DHX32: variants seen among roughly 807,000 people sequenced by gnomAD.
The protein encoded by DHX32 is putative pre-mRNA-splicing factor ATP-dependent RNA helicase DHX32.
In DHX32, 51 loss-of-function variants were observed where a neutral mutation model predicts 70.0. The ratio of observed to expected loss-of-function variants is 0.73; its 90% CI spans 0.58 to 0.92. DHX32 has a LOEUF of 0.92. Among genes scored for constraint, DHX32 ranks in the 40% least tolerant of loss-of-function variants. The pLI is 0.00. For missense variants in DHX32, 762 were observed against 891.8 expected (o/e 0.85, Z 1.85); for synonymous variants, 310 against 315.3 (o/e 0.98, Z 0.18).
chr10:125,893,369 G>A (rs996001381), intron 1 of DHX32, among the ~76,000 whole-genome samples: 65 of 152,150 alleles, frequency 4.3e-4, no homozygotes, highest in African/African-American at 1.3e-3. Flanking sequence ...TCAGCCTCCC[G>A]AGTAGCTGGG....
chr10:125,873,697 C>A (rs1362811263), intron 1 of DHX32, among the ~76,000 whole-genome samples: 1 of 152,194 alleles, frequency 6.6e-6, no homozygotes, highest in Non-Finnish European at 1.5e-5. Flanking sequence ...GAGTATGCCC[C>A]TAAGGCAGCT....
intron 1 of DHX32, among the ~76,000 whole-genome samples, chr10:125,870,313 C>A (rs747500677): frequency 6.6e-6 from 1 of 152,110 alleles, no homozygotes; most frequent in Non-Finnish European, 1.5e-5. Flanking sequence ...TGAAAGAAAT[C>A]TCTGGAAGAC....
rs34050865 is a variant in DHX32, at chr10:125,854,184, T to G, written c.869A>C (p.Glu290Ala). 131 of 1,605,780 alleles carry G rather than the reference T, an allele frequency of 8.2e-5. No homozygotes were observed. The highest frequency in any genetic ancestry group is 3.6e-4 in the East Asian group (16 of 44,770). ...ACEQDIEKVC[E>A]TVYQGSNLNP... ...TAGGTTAGATCCTTGATAGACAGTT[T>G]CACAGACTTTCTCAATATCCTAAAG... Residue 290 changes from glutamate to alanine, a missense_variant, in exon 4 of 11, where the codon GAA becomes GCA. Transcript: ENST00000284690.
chr10:125,841,214 G>A, intron 7 of DHX32: 1 of 1,586,380 alleles, frequency 6.3e-7, no homozygotes. Flanking sequence ...CTTTTCTAAG[G>A]TCAACTGAAT....
At chr10:125,853,852 C>G in intron 4 of DHX32, 109 bp downstream of exon 4, 1 of 1,370,690 alleles carries the variant, frequency 7.3e-7, no homozygotes, top group Non-Finnish European at 9.8e-7. Flanking sequence ...AACGAATCCC[C>G]AGGTCACATA....
rs1322976759 is a variant in DHX32, at chr10:125,859,978, A to G, written c.477-3T>C. 3 of 1,518,560 alleles carry G rather than the reference A, an allele frequency of 2.0e-6. No individual in the cohort carries two copies. The Admixed American group carries it at 7.0e-5, about 36-fold the overall frequency. The allele number at this position is 1,518,560 out of a possible 1,614,324, so 94.1% of individuals were successfully genotyped here. A position where few individuals can be genotyped will look rare whatever the true frequency, so the allele number is the denominator to read the frequency against. ...GCAGCATATCATCAGTACAATACCT[A>G]TAAAGAAGAAACATTAAAGTTAGAA... On this transcript the variant is annotated splice_region_variant and splice_polypyrimidine_tract_variant and intron_variant, in intron 2 of 10. Coordinates refer to ENST00000284690, the MANE Select transcript of DHX32 (RefSeq NM_018180.3).
intron 3 of DHX32, 136 bp downstream of exon 3, chr10:125,859,467 A>G: frequency 1.0e-6 from 1 of 953,356 alleles, no homozygotes; most frequent in African/African-American, 1.7e-5. Context: ...CTTTCAGCAC[A>G]GGTTTTATTT....
intron 2 of DHX32, among the ~76,000 whole-genome samples, chr10:125,862,242 C>T (rs1944194513): frequency 6.6e-6 from 1 of 152,188 alleles, no homozygotes. Context: ...TGTTCTTCCT[C>T]TCTGGATCTT....
chr10:125,840,820 A>C, intron 8 of DHX32, 27 bp downstream of exon 8: 3 of 1,545,936 alleles, frequency 1.9e-6, no homozygotes, highest in Non-Finnish European at 2.6e-6. Flanking sequence ...GGTGGAATTA[A>C]TAGGTAGTTT....
At chr10:125,882,632 CAAGTA>C (rs1564832866), upstream of DHX32, among the ~76,000 whole-genome samples, 1 of 152,050 alleles carries the variant, frequency 6.6e-6, no homozygotes, top group East Asian at 1.9e-4. Flanking sequence ...TAGCTCTTCC[CAAGTA>C]AAGTTCTTAA....
chr10:125,894,365 G>A (rs1045398568), intron 1 of DHX32, among the ~76,000 whole-genome samples: 4 of 152,184 alleles, frequency 2.6e-5, no homozygotes, highest in African/African-American at 9.7e-5. Context: ...CAAGGTGATA[G>A]AGGAAGAGAA....
intron 1 of DHX32, among the ~76,000 whole-genome samples, chr10:125,873,213 CT>C (rs1444998613): frequency 6.6e-6 from 1 of 152,224 alleles, no homozygotes; most frequent in African/African-American, 2.4e-5. Context: ...TGGTGTAGAA[CT>C]TTCTGTCCTT....
At chr10:125,867,891 T>A (rs1488083468) in intron 1 of DHX32, among the ~76,000 whole-genome samples, 2 of 152,202 alleles carry the variant, frequency 1.3e-5, no homozygotes, top group African/African-American at 4.8e-5. Flanking sequence ...TATTGTGTTT[T>A]AAGCAATGTA....
Position 125,866,773 on chromosome 10 carries a change from G to A in DHX32, c.476+217C>T, listed in dbSNP as rs1448652113. Among the ~76,000 whole-genome samples, 2 of 152,362 alleles carry A rather than the reference G, an allele frequency of 1.3e-5. No individual in the cohort carries two copies. Among genetic ancestry groups the A allele is most frequent in the East Asian group, 3.9e-4 (2 of 5,188 alleles). On this transcript the variant is annotated intron_variant, in intron 2 of 10. Coordinates refer to ENST00000284690, the MANE Select transcript of DHX32 (RefSeq NM_018180.3). The surrounding 1 kb of genome is among the most constrained non-coding windows in gnomAD (Gnocchi z 4.8). Reference sequence around the variant, plus strand: ...CCAAGCAAGTTGTTAACTTTTTCCAGGGGATAATGGGAGTCATGGGATACA... The same window carrying A: ...CCAAGCAAGTTGTTAACTTTTTCCAAGGGATAATGGGAGTCATGGGATACA...
chr10:125,868,533 C>G (rs1944236858), intron 1 of DHX32, among the ~76,000 whole-genome samples: 1 of 152,262 alleles, frequency 6.6e-6, no homozygotes, highest in East Asian at 1.9e-4. Flanking sequence ...GACTGAAAGG[C>G]AAATGCACTT....
chr10:125,855,732 A>G (rs1944142215), intron 3 of DHX32, among the ~76,000 whole-genome samples: 1 of 152,140 alleles, frequency 6.6e-6, no homozygotes, highest in Non-Finnish European at 1.5e-5. Flanking sequence ...TTACAGGCGT[A>G]AGCCACCGCA....
Position 125,839,001 on chromosome 10 carries a change from C to A in DHX32, c.1881G>T (p.Gln627His). The A allele has an allele frequency of 6.2e-7, 1 of 1,613,380 alleles. No homozygotes were observed. The highest frequency in any genetic ancestry group is 8.5e-7 in the Non-Finnish European group (1 of 1,179,570). The part of the protein sequence containing the change: ...KKALLSGYFM[Q>H]IARDVDGSGN... ...CTGAGGTGACCCCACCCCTTCTCACCTGCATAAAGTAACCGGACAGAAGAG... is the reference window on the plus strand; with the variant it reads ...CTGAGGTGACCCCACCCCTTCTCACATGCATAAAGTAACCGGACAGAAGAG... Residue 627 changes from glutamine (Q) to histidine (H), a missense_variant and splice_region_variant, in exon 9 of 11, where the codon CAG becomes CAT. Physicochemically the swap from Gln to His is conservative, Grantham distance 24. This residue lies in a region of DHX32 where 366 missense variants were observed against 402.6 expected (regional missense o/e 0.91). Coordinates refer to ENST00000284690, the MANE Select transcript of DHX32 (RefSeq NM_018180.3).
In DHX32 at chr10:125,852,348, A is replaced by G; in HGVS notation, c.1296T>C (p.Phe432=). The G allele has an allele frequency of 6.2e-7, 1 of 1,614,216 alleles. No homozygotes were observed. The highest frequency in any genetic ancestry group is 1.1e-5 in the South Asian group (1 of 91,088). Residue 432 remains phenylalanine, a synonymous_variant, in exon 6 of 11, where the codon TTT becomes TTC. Transcript: ENST00000284690. ...QEANLTSMVL[F]MKRIDIAGLG... is the part of the protein sequence containing the mutation. ...GGCCCGCAATGTCTATCCTCTTCATAAAAAGCACCATGCTTGTTAGGTTGG... is the reference window on the plus strand; with the variant it reads ...GGCCCGCAATGTCTATCCTCTTCATGAAAAGCACCATGCTTGTTAGGTTGG...
intron 1 of DHX32, among the ~76,000 whole-genome samples, chr10:125,868,858 C>T (rs75813735): frequency 0.025 from 3,836 of 152,204 alleles, 162 homozygotes; most frequent in African/African-American, 0.086. Context: ...CTGTGATCCC[C>T]TAGGTATCTA....
Sources: gnomAD v4.1 joint callset for allele counts (sites outside exome capture counted in the v4.1 genomes callset) on GRCh38, gnomAD v4.1.1 for gene constraint, gnomAD v4.1.1 regional missense constraint, Gnocchi (gnomAD v3.1) non-coding constraint, MANE v1.5 for transcripts, NCBI Gene and HGNC (gene_info 2026-07-23, HGNC 2026-07-21) for gene names.